ROBO1: variants seen among roughly 807,000 people sequenced by gnomAD.
The protein encoded by ROBO1 is roundabout guidance receptor 1, also known as roundabout homolog 1.
Under a neutral mutation model 195.9 loss-of-function variants are expected in ROBO1, and 149 were observed. The ratio of observed to expected loss-of-function variants is 0.76; its 90% CI spans 0.67 to 0.87. The LOEUF is 0.87. ROBO1 is among the 40% of genes least tolerant of loss of function. The probability of loss-of-function intolerance (pLI) is 0.00; values close to 1 mark genes in which losing one functional copy is unlikely to be tolerated. For missense variants in ROBO1, 1,933 were observed against 2,068.3 expected (o/e 0.93, Z 1.27); for synonymous variants, 816 against 733.2 (o/e 1.11, Z -1.82).
intron 3 of ROBO1, among the ~76,000 whole-genome samples, chr3:78,970,501 C>T (rs1331098600): frequency 6.6e-6 from 1 of 152,116 alleles, no homozygotes; most frequent in East Asian, 1.9e-4. Context: ...ATTTTATTTA[C>T]ATGTTTTAGA....
At chr3:79,112,560 A>G (rs2108536769) in intron 3 of ROBO1, among the ~76,000 whole-genome samples, 1 of 152,278 alleles carries the variant, frequency 6.6e-6, no homozygotes, top group East Asian at 1.9e-4. Context: ...CCTAGAATTC[A>G]AATACCTGTG....
intron 4 of ROBO1, among the ~76,000 whole-genome samples, chr3:78,870,689 T>C (rs1245761539): frequency 6.6e-6 from 1 of 152,184 alleles, no homozygotes; most frequent in Non-Finnish European, 1.5e-5. Flanking sequence ...GCAAGGATTT[T>C]AAAAGGATTG....
At chr3:78,966,347 C>A in intron 3 of ROBO1, among the ~76,000 whole-genome samples, 1 of 152,198 alleles carries the variant, frequency 6.6e-6, no homozygotes, top group African/African-American at 2.4e-5. Context: ...GTAGCAACAG[C>A]TTTTCAACAC....
In ROBO1 at chr3:78,630,827, A is replaced by G. The variant is rs548596167; in HGVS notation, c.3626+334T>C. On this transcript the variant is annotated intron_variant, in intron 25 of 30. Coordinates refer to ENST00000464233, the MANE Select transcript of ROBO1 (RefSeq NM_002941.4). ...ACGATTATCTTTCAAAAATTTCAAG[A>G]CCTGTCACAGAAGTTCTAATACTCA... 6.6e-5 allele frequency among the ~76,000 whole-genome samples: 10 copies of G among 152,296 alleles called. No homozygotes were observed. In the South Asian group the frequency reaches 2.1e-3, roughly 32 times the overall value.
At chr3:79,468,627 C>A (rs1236350884) in intron 2 of ROBO1, among the ~76,000 whole-genome samples, 4 of 152,060 alleles carry the variant, frequency 2.6e-5, no homozygotes, top group Non-Finnish European at 4.4e-5. Flanking sequence ...AGAAAAAGAG[C>A]AATCATTCAT....
intron 2 of ROBO1, among the ~76,000 whole-genome samples, chr3:79,519,446 T>G (rs1941101736): frequency 6.6e-6 from 1 of 151,546 alleles, no homozygotes; most frequent in Non-Finnish European, 1.5e-5. Flanking sequence ...CTGGCCAACA[T>G]GGAGAAACCC....
intron 2 of ROBO1, among the ~76,000 whole-genome samples, chr3:79,509,415 G>A (rs1940583947): frequency 6.6e-6 from 1 of 152,048 alleles, no homozygotes; most frequent in Admixed American, 6.6e-5. Flanking sequence ...AAAAGCTGCT[G>A]GGATATGGGG....
At chr3:78,655,379 C>A (rs920615860) in intron 18 of ROBO1, among the ~76,000 whole-genome samples, 4 of 152,064 alleles carry the variant, frequency 2.6e-5, no homozygotes, top group South Asian at 2.1e-4. Flanking sequence ...TGATGTGTAC[C>A]ATGTCTAGAC....
At chr3:79,525,590 T>G (rs1941399216) in intron 2 of ROBO1, among the ~76,000 whole-genome samples, 2 of 148,218 alleles carry the variant, frequency 1.3e-5, no homozygotes, top group African/African-American at 4.9e-5. Context: ...ATGTGTTTAG[T>G]GTCTTTAGAA....
chr3:78,654,898 AC>A (rs559500803), intron 18 of ROBO1, among the ~76,000 whole-genome samples: 317 of 152,348 alleles, frequency 2.1e-3, no homozygotes, highest in African/African-American at 7.2e-3. Context: ...CACAGTGTTA[AC>A]TTATTTCAAT....
intron 2 of ROBO1, among the ~76,000 whole-genome samples, chr3:79,251,899 A>G (rs904150785): frequency 6.6e-6 from 1 of 152,200 alleles, no homozygotes; most frequent in Admixed American, 6.5e-5. Flanking sequence ...GCAGTGAGCC[A>G]AGATTGTGCC....
At chr3:78,669,710 A>G (rs1417021166) in intron 11 of ROBO1, among the ~76,000 whole-genome samples, 4 of 152,236 alleles carry the variant, frequency 2.6e-5, no homozygotes, top group Non-Finnish European at 5.9e-5. Flanking sequence ...CACTTACAAT[A>G]GAAGAACTAT....
At chr3:79,688,903 A>C (rs1457678079) in intron 1 of ROBO1, among the ~76,000 whole-genome samples, 1 of 152,048 alleles carries the variant, frequency 6.6e-6, no homozygotes, top group Non-Finnish European at 1.5e-5. Context: ...ACAAAAACTA[A>C]CCAAATTATC....
chr3:78,851,408 T>TA (rs1171276069), intron 4 of ROBO1, among the ~76,000 whole-genome samples: 2 of 152,214 alleles, frequency 1.3e-5, no homozygotes, highest in African/African-American at 4.8e-5. Flanking sequence ...AGACAATGAT[T>TA]AGAGTTACCA....
Position 78,711,481 on chromosome 3 carries a change from C to T in ROBO1, c.1045+2916G>A, listed in dbSNP as rs890193284. ...CTTCCTTCCTTTTCTCTCTTTCTCT[C>T]TCTCTCTTTCTTTCTTTTTTTGAGG... On this transcript the variant is annotated intron_variant, in intron 8 of 30. Coordinates refer to ENST00000464233, the MANE Select transcript of ROBO1 (RefSeq NM_002941.4). 1.5e-4 allele frequency among the ~76,000 whole-genome samples: 21 copies of T among 138,324 alleles called. 1 individual carries two copies. Among genetic ancestry groups the T allele is most frequent in the Admixed American group, 3.9e-4 (5 of 12,808 alleles). The allele number at this position is 138,324 out of a possible 152,430, so 90.7% of individuals were successfully genotyped here. A position where few individuals can be genotyped will look rare whatever the true frequency, so the allele number is the denominator to read the frequency against.
chr3:78,896,658 C>CAAA (rs142287501), intron 4 of ROBO1, among the ~76,000 whole-genome samples: 1,990 of 64,032 alleles, frequency 0.031, 57 homozygotes, highest in African/African-American at 0.075. Context: ...TTGTTGCTCA[C>CAAA]AAAAAAAAAA....
chr3:79,213,857 A>T (rs2082008454), intron 2 of ROBO1, among the ~76,000 whole-genome samples: 1 of 117,774 alleles, frequency 8.5e-6, no homozygotes, highest in African/African-American at 3.3e-5. Context: ...AGAGAGTCTC[A>T]TTCTGTCACC....
At chr3:79,013,562 A>T (rs2077842060) in intron 3 of ROBO1, among the ~76,000 whole-genome samples, 1 of 152,246 alleles carries the variant, frequency 6.6e-6, no homozygotes, top group Admixed American at 6.5e-5. Flanking sequence ...GTTTTAAAAT[A>T]AAAAGTGATT....
At chr3:78,688,491 T>G (rs1486788146) in intron 9 of ROBO1, among the ~76,000 whole-genome samples, 157 bp downstream of exon 9, 1 of 152,216 alleles carries the variant, frequency 6.6e-6, no homozygotes, top group East Asian at 1.9e-4. Context: ...CAATTTTGTC[T>G]TCTTTCTCAT....
Sources: gnomAD v4.1 joint callset for allele counts (sites outside exome capture counted in the v4.1 genomes callset) on GRCh38, gnomAD v4.1.1 for gene constraint, MANE v1.5 for transcripts, NCBI Gene and HGNC (gene_info 2026-07-23, HGNC 2026-07-21) for gene names.